Variants in NDN observed in about 807,000 individuals in gnomAD.
NDN encodes necdin.
For synonymous variants in NDN, 245 were observed against 189.4 expected (o/e 1.29, Z -2.41); for missense variants, 465 against 440.4 (o/e 1.06, Z -0.50).
At position 23,687,037 on chromosome 15, in the gene NDN, G is replaced by C; in HGVS notation, c.181C>G (p.Pro61Ala). The C allele has an allele frequency of 2.0e-6, 3 of 1,508,408 alleles. No homozygotes were observed. The highest frequency in any genetic ancestry group is 2.7e-6 in the Non-Finnish European group (3 of 1,130,980). The allele number at this position is 1,508,408 out of a possible 1,614,324, so 93.4% of individuals were successfully genotyped here. A position where few individuals can be genotyped will look rare whatever the true frequency, so the allele number is the denominator to read the frequency against. ...GCCTTCGGGTCGCCCTCGTCGTTCG[G>C]GGCCTGGGGAGGCGGCGCGGCCTGC... ...APQAAPPPQA[P>A]NDEGDPKALQ... The change falls in exon 1 of 1, where the codon CCG becomes GCG. Residue 61 changes from proline to alanine, a missense_variant. Physicochemically the swap from Pro to Ala is conservative, Grantham distance 27. Coordinates refer to ENST00000649030, the MANE Select transcript of NDN (RefSeq NM_002487.3).
rs1891161020 is a variant in NDN, at chr15:23,687,003, T to C, written c.215A>G (p.Gln72Arg). Residue 72 changes from glutamine (Q) to arginine (R), a missense_variant, in exon 1 of 1, where the codon CAG becomes CGG. By Grantham distance (43) the Gln-to-Arg change is conservative. Coordinates refer to ENST00000649030, the MANE Select transcript of NDN (RefSeq NM_002487.3). ...GTGGGCGCGGCCCTCCTCCGCAGCC[T>C]GCTGCAGGGCCTTCGGGTCGCCCTC... Reference protein sequence around the residue: ...NDEGDPKALQQAAEEGRAHQA... With the variant: ...NDEGDPKALQRAAEEGRAHQA... The C allele has an allele frequency of 6.8e-7, 1 of 1,465,892 alleles. No individual in the cohort carries two copies. Among genetic ancestry groups the C allele is most frequent in the Non-Finnish European group, 9.0e-7 (1 of 1,116,600 alleles). 90.8% of individuals were successfully genotyped at this position (1,465,892 alleles called of 1,614,324 possible).
In NDN at chr15:23,686,666, G is replaced by T. The variant is rs1891149677; in HGVS notation, c.552C>A (p.Arg184=). The change falls in exon 1 of 1, where the codon CGC becomes CGA. Residue 184 remains arginine (R), a synonymous_variant. Coordinates refer to ENST00000649030, the MANE Select transcript of NDN (RefSeq NM_002487.3). ...EELDRVALSN[R]MPMTGLLLMI... is the part of the protein sequence containing the mutation. ...TGAGCAGGAGGCCTGTCATGGGCATGCGGTTGCTCAGCGCCACCCTGTCCA... is the reference window on the plus strand; with the variant it reads ...TGAGCAGGAGGCCTGTCATGGGCATTCGGTTGCTCAGCGCCACCCTGTCCA... 4.3e-6 allele frequency: 7 copies of T among 1,613,672 alleles called. No individual in the cohort carries two copies. The highest frequency in any genetic ancestry group is 5.9e-6 in the Non-Finnish European group (7 of 1,179,994).
At position 23,686,374 on chromosome 15, in the gene NDN, C is replaced by T; in HGVS notation, c.844G>A (p.Val282Ile). 2.5e-6 allele frequency: 4 copies of T among 1,604,924 alleles called. No individual in the cohort carries two copies. The highest frequency in any genetic ancestry group is 3.4e-6 in the Non-Finnish European group (4 of 1,174,904). Residue 282 changes from valine to isoleucine, a missense_variant, in exon 1 of 1, where the codon GTC (valine) becomes ATC (isoleucine). Transcript: ENST00000649030. ...CAGGCCTGGGGGTCTTTCTTAAAGA[C>T]CCTGGCCAGGAACTCCATGATTTGC... is the stretch of plus-strand genomic sequence containing the variant. ...KMQIMEFLAR[V>I]FKKDPQAWPS...
In NDN at chr15:23,686,182, T is replaced by C; in HGVS notation, c.*70A>G. On this transcript the variant is annotated 3_prime_UTR_variant, in exon 1 of 1. Transcript: ENST00000649030. ...ACTGCACTGTAAATCCTGAATACTATAATGACCCACCCCCACCCTTCCACA... is the reference window on the plus strand; with the variant it reads ...ACTGCACTGTAAATCCTGAATACTACAATGACCCACCCCCACCCTTCCACA... 1 of 1,488,050 alleles carries C rather than the reference T, an allele frequency of 6.7e-7. No individual in the cohort carries two copies. Among genetic ancestry groups the C allele is most frequent in the Non-Finnish European group, 8.9e-7 (1 of 1,120,696 alleles). 92.2% of individuals were successfully genotyped at this position (1,488,050 alleles called of 1,614,324 possible). A position where few individuals can be genotyped will look rare whatever the true frequency, so the allele number is the denominator to read the frequency against.
rs532203832 is a variant in NDN, at chr15:23,686,305, G to A, written c.913C>T (p.Arg305Trp). The A allele has an allele frequency of 5.3e-6, 8 of 1,520,734 alleles. No individual in the cohort carries two copies. In the Admixed American group the frequency reaches 1.1e-4, roughly 21 times the overall value. 94.2% of individuals were successfully genotyped at this position (1,520,734 alleles called of 1,614,324 possible). A position where few individuals can be genotyped will look rare whatever the true frequency, so the allele number is the denominator to read the frequency against. Residue 305 changes from arginine to tryptophan, a missense_variant, in exon 1 of 1, where the codon CGG (arginine) becomes TGG (tryptophan). Coordinates refer to ENST00000649030, the MANE Select transcript of NDN (RefSeq NM_002487.3). ...TAGTGGGCAGTGGGATTAGCCTCCCGCAGAGCTCTGGCCTCCTCCAGAGCT... is the reference window on the plus strand; with the variant it reads ...TAGTGGGCAGTGGGATTAGCCTCCCACAGAGCTCTGGCCTCCTCCAGAGCT... ...REALEEARAL[R>W]EANPTAHYPR...
Position 23,686,807 on chromosome 15 carries a change from C to G in NDN, c.411G>C (p.Arg137Ser), listed in dbSNP as rs151263357. Residue 137 changes from arginine to serine, a missense_variant, in exon 1 of 1, where the codon AGG becomes AGC. By Grantham distance (110) the Arg-to-Ser change is moderately radical. Coordinates refer to ENST00000649030, the MANE Select transcript of NDN (RefSeq NM_002487.3). ...TGAGGCTGGTGCGCCGGAGGATGCT[C>G]CTGCACCACTTCTTGTAGCTGCCGA... ...DVIGSYKKWC[R>S]SILRRTSLIL... The G allele has an allele frequency of 6.2e-7, 1 of 1,614,032 alleles. No individual in the cohort carries two copies. Among genetic ancestry groups the G allele is most frequent in the East Asian group, 2.2e-5 (1 of 44,874 alleles).
chr15:23,686,037 G>T lies in NDN; in HGVS notation c.*215C>A. 2.2e-6 allele frequency: 1 copy of T among 463,594 alleles called. No individual in the cohort carries two copies. The highest frequency in any genetic ancestry group is 3.5e-6 in the Non-Finnish European group (1 of 289,808). 28.7% of individuals were successfully genotyped at this position (463,594 alleles called of 1,614,324 possible). A position where few individuals can be genotyped will look rare whatever the true frequency, so the allele number is the denominator to read the frequency against. The stretch of plus-strand genomic sequence containing the variant: ...GCACAAAAGCGAAAGCACCAACCAA[G>T]CTTACATATAAACAAACATGCATAC... On this transcript the variant is annotated 3_prime_UTR_variant, in exon 1 of 1. Transcript: ENST00000649030.
rs1469438800 is a variant in NDN at position 23,686,164 on chromosome 15, T to C, written c.*88A>G. The C allele has an allele frequency of 4.1e-6, 6 of 1,450,144 alleles. No individual in the cohort carries two copies. The highest frequency in any genetic ancestry group is 4.6e-6 in the Non-Finnish European group (5 of 1,094,342). 89.8% of individuals were successfully genotyped at this position (1,450,144 alleles called of 1,614,324 possible). Reference sequence around the variant, plus strand: ...TAAAAGTTACACGTGAATACTGCACTGTAAATCCTGAATACTATAATGACC... The same window carrying C: ...TAAAAGTTACACGTGAATACTGCACCGTAAATCCTGAATACTATAATGACC... On this transcript the variant is annotated 3_prime_UTR_variant, in exon 1 of 1. Transcript: ENST00000649030.
In NDN at chr15:23,686,250, T is replaced by G. The variant is rs1891141123; in HGVS notation, c.*2A>C. 4 of 1,507,600 alleles carry G rather than the reference T, an allele frequency of 2.7e-6. No homozygotes were observed. Among genetic ancestry groups the G allele is most frequent in the Admixed American group, 2.3e-5 (1 of 43,258 alleles). The allele number at this position is 1,507,600 out of a possible 1,614,324, so 93.4% of individuals were successfully genotyped here. ...AAACCATTCATCTGCCTCCAGACTT[T>G]GCTAGTCCTCAGAGACACTGCTGCG... On this transcript the variant is annotated 3_prime_UTR_variant, in exon 1 of 1. Transcript: ENST00000649030.
In NDN at chr15:23,686,015, C is replaced by G. The variant is rs928764863; in HGVS notation, c.*237G>C. On this transcript the variant is annotated 3_prime_UTR_variant, in exon 1 of 1. Transcript: ENST00000649030. ...GTACAAAAATCCAAGAAAGGTAGCA[C>G]AAAAGCGAAAGCACCAACCAAGCTT... 2 of 362,146 alleles carry G rather than the reference C, an allele frequency of 5.5e-6. No homozygotes were observed. The highest frequency in any genetic ancestry group is 4.2e-5 in the African/African-American group (2 of 47,594). The allele number at this position is 362,146 out of a possible 1,614,324, so 22.4% of individuals were successfully genotyped here.
In NDN at chr15:23,686,151, G is replaced by A. The variant is rs1453466363; in HGVS notation, c.*101C>T. ...TGTACTGAAAACTTAAAAGTTACACGTGAATACTGCACTGTAAATCCTGAA... is the reference window on the plus strand; with the variant it reads ...TGTACTGAAAACTTAAAAGTTACACATGAATACTGCACTGTAAATCCTGAA... On this transcript the variant is annotated 3_prime_UTR_variant, in exon 1 of 1. Transcript: ENST00000649030. 7 of 1,382,014 alleles carry A rather than the reference G, an allele frequency of 5.1e-6. No homozygotes were observed. The highest frequency in any genetic ancestry group is 6.7e-6 in the Non-Finnish European group (7 of 1,043,982). 85.6% of individuals were successfully genotyped at this position (1,382,014 alleles called of 1,614,324 possible). A position where few individuals can be genotyped will look rare whatever the true frequency, so the allele number is the denominator to read the frequency against.
At position 23,686,454 on chromosome 15, in the gene NDN, G is replaced by A. The variant is rs1891145499; in HGVS notation, c.764C>T (p.Pro255Leu). Residue 255 changes from proline to leucine, a missense_variant, in exon 1 of 1, where the codon CCG becomes CTG. Transcript: ENST00000649030. ...LKYQRVPYVE[P>L]PEYEFFWGSR... The stretch of plus-strand genomic sequence containing the variant: ...GCCCCAAAAGAACTCGTATTCGGGC[G>A]GCTCCACGTATGGGACGCGCTGGTA... 1 of 1,610,426 alleles carries A rather than the reference G, an allele frequency of 6.2e-7. No individual in the cohort carries two copies. Among genetic ancestry groups the A allele is most frequent in the Non-Finnish European group, 8.5e-7 (1 of 1,177,738 alleles).
rs1309496094 is a variant in NDN at position 23,686,401 on chromosome 15, T to A, written c.817A>T (p.Met273Leu). Residue 273 changes from methionine (M) to leucine (L), a missense_variant, in exon 1 of 1, where the codon ATG becomes TTG. Physicochemically the swap from Met to Leu is conservative, Grantham distance 15 (BLOSUM62 2). Transcript: ENST00000649030. Reference protein sequence around the residue: ...GSRASREITKMQIMEFLARVF... With the variant: ...GSRASREITKLQIMEFLARVF... ...CTGGCCAGGAACTCCATGATTTGCA[T>A]CTTGGTGATTTCGCGGCTGGCCCGG... The A allele has an allele frequency of 6.2e-7, 1 of 1,608,694 alleles. No homozygotes were observed. The highest frequency in any genetic ancestry group is 1.1e-5 in the South Asian group (1 of 90,518).
Position 23,686,113 on chromosome 15 carries a change from G to C in NDN, c.*139C>G. The C allele has an allele frequency of 1.0e-6, 1 of 963,446 alleles. No homozygotes were observed. Among genetic ancestry groups the C allele is most frequent in the Non-Finnish European group, 1.5e-6 (1 of 687,064 alleles). 59.7% of individuals were successfully genotyped at this position (963,446 alleles called of 1,614,324 possible). A position where few individuals can be genotyped will look rare whatever the true frequency, so the allele number is the denominator to read the frequency against. ...CAAATGAATACAACATTGCATTAAAGGTATAAAAGCACTGTACTGAAAACT... is the reference window on the plus strand; with the variant it reads ...CAAATGAATACAACATTGCATTAAACGTATAAAAGCACTGTACTGAAAACT... On this transcript the variant is annotated 3_prime_UTR_variant, in exon 1 of 1. Coordinates refer to ENST00000649030, the MANE Select transcript of NDN (RefSeq NM_002487.3).
In NDN at chr15:23,686,883, T is replaced by C. The variant is rs1354053778; in HGVS notation, c.335A>G (p.Lys112Arg). ...CCAGATGATCATCTTCTTCTGGTCC[T>C]TGACCAGCACGTACCACATGAGCTC... ...AHELMWYVLV[K>R]DQKKMIIWFP... The change falls in exon 1 of 1, where the codon AAG (lysine) becomes AGG (arginine). Residue 112 changes from lysine (K) to arginine (R), a missense_variant. Transcript: ENST00000649030. 1 of 1,614,104 alleles carries C rather than the reference T, an allele frequency of 6.2e-7. No individual in the cohort carries two copies. The highest frequency in any genetic ancestry group is 1.3e-5 in the African/African-American group (1 of 75,064).
rs1891149886 is a variant in NDN at position 23,686,675 on chromosome 15, C to T, written c.543G>A (p.Leu181=). The change falls in exon 1 of 1, where the codon CTG becomes CTA. Residue 181 remains leucine, a synonymous_variant. Transcript: ENST00000649030. ...GGCCTGTCATGGGCATGCGGTTGCT[C>T]AGCGCCACCCTGTCCAGCTCCTCGG... is the stretch of plus-strand genomic sequence containing the variant. The part of the protein sequence containing the change: ...LEPEELDRVA[L]SNRMPMTGLL... The T allele has an allele frequency of 6.2e-7, 1 of 1,613,584 alleles. No homozygotes were observed. Among genetic ancestry groups the T allele is most frequent in the Non-Finnish European group, 8.5e-7 (1 of 1,179,984 alleles).
rs746568155 is a variant in NDN, at chr15:23,687,269, C to T, written c.-52G>A. 1.5e-6 allele frequency: 2 copies of T among 1,350,494 alleles called. No individual in the cohort carries two copies. The highest frequency in any genetic ancestry group is 1.9e-6 in the Non-Finnish European group (2 of 1,044,342). The allele number at this position is 1,350,494 out of a possible 1,614,324, so 83.7% of individuals were successfully genotyped here. ...CCTCTGCGTCCAGGAGCTCTTCGAG[C>T]CTGCGCTCCCTCCGCGGATTCCTGG... is the stretch of plus-strand genomic sequence containing the variant. On this transcript the variant is annotated 5_prime_UTR_variant, in exon 1 of 1. Coordinates refer to ENST00000649030, the MANE Select transcript of NDN (RefSeq NM_002487.3).
At position 23,686,284 on chromosome 15, in the gene NDN, G is replaced by T; in HGVS notation, c.934C>A (p.His312Asn). ...RALREANPTA[H>N]YPRSSVSED ...TCAGAGACACTGCTGCGAGGGTAGT[G>T]GGCAGTGGGATTAGCCTCCCGCAGA... The change falls in exon 1 of 1, where the codon CAC (histidine) becomes AAC (asparagine). Residue 312 changes from histidine to asparagine, a missense_variant. His to Asn is a moderately conservative substitution (Grantham distance 68, BLOSUM62 1). Coordinates refer to ENST00000649030, the MANE Select transcript of NDN (RefSeq NM_002487.3). 1 of 1,514,126 alleles carries T rather than the reference G, an allele frequency of 6.6e-7. No individual in the cohort carries two copies. The highest frequency in any genetic ancestry group is 8.8e-7 in the Non-Finnish European group (1 of 1,132,820). 93.8% of individuals were successfully genotyped at this position (1,514,126 alleles called of 1,614,324 possible). A position where few individuals can be genotyped will look rare whatever the true frequency, so the allele number is the denominator to read the frequency against.
Position 23,686,564 on chromosome 15 carries a change from C to T in NDN, c.654G>A (p.Gly218=). The change falls in exon 1 of 1, where the codon GGG becomes GGA. Residue 218 remains glycine (G), a synonymous_variant. Transcript: ENST00000649030. ...SAVWNVLRIL[G]LRPWKKHSTF... is the part of the protein sequence containing the mutation. ...TGGAGTGCTTCTTCCAGGGCCGCAGCCCCAGGATGCGCAGCACGTTCCAGA... is the reference window on the plus strand; with the variant it reads ...TGGAGTGCTTCTTCCAGGGCCGCAGTCCCAGGATGCGCAGCACGTTCCAGA... The T allele has an allele frequency of 6.2e-7, 1 of 1,613,348 alleles. No homozygotes were observed. Among genetic ancestry groups the T allele is most frequent in the South Asian group, 1.1e-5 (1 of 91,068 alleles).
Sources: gnomAD v4.1 joint callset for allele counts on GRCh38, gnomAD v4.1.1 for gene constraint, MANE v1.5 for transcripts, NCBI Gene and HGNC (gene_info 2026-07-23, HGNC 2026-07-21) for gene names.